The following PRKN variants were observed in gnomAD, a reference collection of about 807,000 sequenced individuals.
PRKN encodes the protein E3 ubiquitin-protein ligase parkin.
Under a neutral mutation model 59.5 loss-of-function variants are expected in PRKN, and 56 were observed. That is an observed-to-expected ratio of 0.94 (90% CI 0.76 to 1.18). PRKN has a LOEUF of 1.18. PRKN is among the 50% of genes most tolerant of loss of function. The probability of loss-of-function intolerance (pLI) is 0.00; values close to 1 mark genes in which losing one functional copy is unlikely to be tolerated. For missense variants in PRKN, 657 were observed against 596.4 expected, an observed-to-expected ratio of 1.10 and a Z score of -1.06; for synonymous variants, 250 against 222.1, an observed-to-expected ratio of 1.13 and a Z score of -1.12.
intron 9 of PRKN, among the ~76,000 whole-genome samples, chr6:161,543,755 A>G (rs1218703245): frequency 6.6e-6 from 1 of 152,222 alleles, no homozygotes; most frequent in Non-Finnish European, 1.5e-5. Flanking sequence ...GTAATACCCC[A>G]AGATAATATC....
intron 4 of PRKN, among the ~76,000 whole-genome samples, chr6:162,102,172 C>T (rs1280427779): frequency 6.6e-6 from 1 of 152,078 alleles, no homozygotes; most frequent in Non-Finnish European, 1.5e-5. Flanking sequence ...GTTATTATTC[C>T]CAATACTCTC....
chr6:162,717,764 T>C (rs933756907), intron 1 of PRKN, among the ~76,000 whole-genome samples: 1 of 152,202 alleles, frequency 6.6e-6, no homozygotes, highest in East Asian at 1.9e-4. Context: ...TTCTAATGTT[T>C]GTTTTCCTGA....
chr6:161,688,549 G>T (rs1225260334), intron 7 of PRKN, among the ~76,000 whole-genome samples: 1 of 152,166 alleles, frequency 6.6e-6, no homozygotes, highest in African/African-American at 2.4e-5. Flanking sequence ...CTAAAAACAT[G>T]ATTGCTCTTG....
intron 6 of PRKN, among the ~76,000 whole-genome samples, chr6:161,871,984 A>T (rs1228622966): frequency 6.6e-6 from 1 of 152,214 alleles, no homozygotes. Flanking sequence ...CCTATAAAAT[A>T]GGTATCTGAA....
At chr6:162,446,964 G>T (rs1243602851) in intron 1 of PRKN, among the ~76,000 whole-genome samples, 3 of 152,164 alleles carry the variant, frequency 2.0e-5, no homozygotes, top group Admixed American at 6.5e-5. Context: ...TTTGAATGCT[G>T]GTTGTAACGC....
chr6:162,403,939 G>A (rs1210762705), intron 2 of PRKN, among the ~76,000 whole-genome samples: 1 of 152,140 alleles, frequency 6.6e-6, no homozygotes, highest in East Asian at 1.9e-4. Context: ...TGGTGGTGAA[G>A]GCTTACCTGT....
At chr6:162,382,054 C>T (rs966129465) in intron 2 of PRKN, among the ~76,000 whole-genome samples, 1 of 152,128 alleles carries the variant, frequency 6.6e-6, no homozygotes, top group Non-Finnish European at 1.5e-5. Context: ...GAGAAAGTAG[C>T]AAGATTTTGC....
rs550289654 is a variant in PRKN, at chr6:162,425,046, C to T, written c.171+18264G>A. ...GGAGTCCTAGAAAACCAATGACTTT[C>T]GTTAAAGGATTGACTAGAAAAAAAA... On this transcript the variant is annotated intron_variant, in intron 2 of 11. Coordinates refer to ENST00000366898, the MANE Select transcript of PRKN (RefSeq NM_004562.3). Among the ~76,000 whole-genome samples, 9 of 144,018 alleles carry T rather than the reference C, an allele frequency of 6.2e-5. No homozygotes were observed. The South Asian group carries it at 1.6e-3, about 25-fold the overall frequency. The allele number at this position is 144,018 out of a possible 152,430, so 94.5% of individuals were successfully genotyped here.
intron 5 of PRKN, among the ~76,000 whole-genome samples, chr6:162,052,976 T>C (rs1485572985): frequency 6.6e-6 from 1 of 152,192 alleles, no homozygotes; most frequent in Non-Finnish European, 1.5e-5. Context: ...TGTAAACGTA[T>C]GTAATTACAC....
rs543439257 is a variant in PRKN at position 161,394,307 on chromosome 6, G to T, written c.1084-7430C>A. ...GTGTTCTATGTGTGGTCTCCAAAGGGCTAAAAAGAAAGAATTTTCAGGAGG... is the reference window on the plus strand; with the variant it reads ...GTGTTCTATGTGTGGTCTCCAAAGGTCTAAAAAGAAAGAATTTTCAGGAGG... On this transcript the variant is annotated intron_variant, in intron 9 of 11. Coordinates refer to ENST00000366898, the MANE Select transcript of PRKN (RefSeq NM_004562.3). 2.6e-5 allele frequency among the ~76,000 whole-genome samples: 4 copies of T among 151,970 alleles called. No homozygotes were observed. The South Asian group carries it at 8.3e-4, about 32-fold the overall frequency.
intron 3 of PRKN, among the ~76,000 whole-genome samples, chr6:162,250,936 A>G (rs1008537439): frequency 2.0e-5 from 3 of 152,116 alleles, no homozygotes; most frequent in East Asian, 1.9e-4. Flanking sequence ...TAAGTCTTCA[A>G]TAACTTTTTT....
At chr6:162,188,260 C>A (rs1209785952) in intron 4 of PRKN, among the ~76,000 whole-genome samples, 2 of 152,132 alleles carry the variant, frequency 1.3e-5, no homozygotes, top group Non-Finnish European at 2.9e-5. Context: ...ATACCGGGAG[C>A]TGCTTTACAA....
chr6:162,075,216 T>G (rs1016832549), intron 4 of PRKN, among the ~76,000 whole-genome samples: 1 of 152,198 alleles, frequency 6.6e-6, no homozygotes, highest in African/African-American at 2.4e-5. Context: ...ATTTGAATAA[T>G]ATTTATCATC....
At chr6:162,459,022 G>T (rs554830798) in intron 1 of PRKN, among the ~76,000 whole-genome samples, 2 of 152,154 alleles carry the variant, frequency 1.3e-5, no homozygotes, top group East Asian at 1.9e-4. Flanking sequence ...GATTCGCCTT[G>T]TTGGCCAGGC....
chr6:161,781,337 G>A (rs75348814), intron 7 of PRKN, among the ~76,000 whole-genome samples: 2,676 of 152,260 alleles, frequency 0.018, 69 homozygotes, highest in African/African-American at 0.06. Flanking sequence ...CACAAAAAAT[G>A]TGTAGAAGGA....
rs1418639306 is a variant in PRKN, at chr6:161,527,870, G to A, written c.1083+20984C>T. Among the ~76,000 whole-genome samples, 2 of 152,116 alleles carry A rather than the reference G, an allele frequency of 1.3e-5. No homozygotes were observed. Among genetic ancestry groups the A allele is most frequent in the Non-Finnish European group, 2.9e-5 (2 of 68,028 alleles). On this transcript the variant is annotated intron_variant, in intron 9 of 11. Coordinates refer to ENST00000366898, the MANE Select transcript of PRKN (RefSeq NM_004562.3). The surrounding 1 kb of genome is among the most constrained non-coding windows in gnomAD (Gnocchi z 4.6). ...AGACTGATGGACCTTCACAGACACC[G>A]TTTCTCTAGGTCAGCTCAGTTTACC...
chr6:161,536,390 T>C (rs1374961220), intron 9 of PRKN, among the ~76,000 whole-genome samples: 1 of 149,552 alleles, frequency 6.7e-6, no homozygotes, highest in African/African-American at 2.5e-5. Context: ...ACCCGGAAAA[T>C]GAGGTCATTT....
In PRKN at chr6:161,355,330, T is replaced by G. The variant is rs1192034397; in HGVS notation, c.1285+4758A>C. 6.6e-6 allele frequency among the ~76,000 whole-genome samples: 1 copy of G among 152,224 alleles called. No individual in the cohort carries two copies. The highest frequency in any genetic ancestry group is 2.4e-5 in the African/African-American group (1 of 41,462). On this transcript the variant is annotated intron_variant, in intron 11 of 11. Coordinates refer to ENST00000366898, the MANE Select transcript of PRKN (RefSeq NM_004562.3). The surrounding 1 kb of genome is among the most constrained non-coding windows in gnomAD (Gnocchi z 6.8). Reference sequence around the variant, plus strand: ...GTGCCCTGATAGCTTGCTTCCTCTATGTTATTTTATTAAAAAGATCGGTTT... The same window carrying G: ...GTGCCCTGATAGCTTGCTTCCTCTAGGTTATTTTATTAAAAAGATCGGTTT...
At chr6:161,512,739 CGGAGA>C (rs1195820604) in intron 9 of PRKN, among the ~76,000 whole-genome samples, 1 of 152,178 alleles carries the variant, frequency 6.6e-6, no homozygotes, top group Non-Finnish European at 1.5e-5. Flanking sequence ...AGAGCAAACG[CGGAGA>C]GGCAAGTGCC....
Sources: allele counts gnomAD v4.1 joint callset (sites outside exome capture counted in the v4.1 genomes callset), GRCh38; gene constraint gnomAD v4.1.1; non-coding constraint Gnocchi (gnomAD v3.1); transcripts MANE v1.5; gene names NCBI Gene and HGNC (gene_info 2026-07-23, HGNC 2026-07-21).